Variants in ADAMTS19 observed in about 807,000 individuals in gnomAD.
The protein encoded by ADAMTS19 is A disintegrin and metalloproteinase with thrombospondin motifs 19.
Under a neutral mutation model 153.3 loss-of-function variants are expected in ADAMTS19, and 93 were observed. The ratio of observed to expected loss-of-function variants is 0.61; its 90% CI spans 0.51 to 0.72. The LOEUF is 0.72. ADAMTS19 is among the 30% of genes least tolerant of loss of function. The pLI is 0.00. For missense variants in ADAMTS19, 1,482 were observed against 1,552.1 expected (o/e 0.95, Z 0.76); for synonymous variants, 600 against 556.6 (o/e 1.08, Z -1.10).
At chr5:129,485,093 A>G (rs1435907611) in intron 2 of ADAMTS19, among the ~76,000 whole-genome samples, 8 of 152,188 alleles carry the variant, frequency 5.3e-5, no homozygotes, top group Non-Finnish European at 1.2e-4. Flanking sequence ...AAGATAGATT[A>G]TATACTGGGC....
chr5:129,725,143 A>G (rs556512290), intron 21 of ADAMTS19, among the ~76,000 whole-genome samples: 5 of 152,194 alleles, frequency 3.3e-5, no homozygotes, highest in Admixed American at 2.6e-4. Context: ...AACTGCCTAA[A>G]TAATTTCTTT....
chr5:129,683,304 G>A (rs1372825475), intron 17 of ADAMTS19, among the ~76,000 whole-genome samples: 1 of 151,906 alleles, frequency 6.6e-6, no homozygotes, highest in Admixed American at 6.6e-5. Context: ...CTGGCACTGG[G>A]AACCAGTAGA....
chr5:129,680,776 CAAAA>C (rs551460047), intron 17 of ADAMTS19, among the ~76,000 whole-genome samples: 1 of 135,398 alleles, frequency 7.4e-6, no homozygotes, highest in African/African-American at 2.8e-5. Flanking sequence ...AAAAAAAAAA[CAAAA>C]AAAAAAACTG....
At chr5:129,634,370 A>C (rs1219770207) in intron 10 of ADAMTS19, among the ~76,000 whole-genome samples, 1 of 152,196 alleles carries the variant, frequency 6.6e-6, no homozygotes, top group Non-Finnish European at 1.5e-5. Context: ...AAAGCAATTT[A>C]TAGATTCACT....
In ADAMTS19 at chr5:129,641,911, G is replaced by T. The variant is rs1007394270; in HGVS notation, c.1823G>T (p.Arg608Ile). 1 of 1,606,786 alleles carries T rather than the reference G, an allele frequency of 6.2e-7. No homozygotes were observed. Residue 608 changes from arginine (R) to isoleucine (I), a missense_variant, in exon 11 of 23, where the codon AGA becomes ATA. By Grantham distance (97) the Arg-to-Ile change is moderately conservative. Around this residue, in one of 2 missense-constraint regions of ADAMTS19, gnomAD observed 866 missense variants for 827.7 expected, o/e 1.05. Transcript: ENST00000274487. ...AAGGTAGAAGGTGAGAAAGAATGCA[G>T]AACCAAGCTAGACCCACCAATGGAT... ...WCKVEGEKEC[R>I]TKLDPPMDGT...
intron 2 of ADAMTS19, among the ~76,000 whole-genome samples, chr5:129,490,385 T>A (rs1750725771): frequency 6.6e-6 from 1 of 152,158 alleles, no homozygotes; most frequent in Admixed American, 6.6e-5. Context: ...CAATTTCCTA[T>A]GTGGCTTTTC....
intron 19 of ADAMTS19, among the ~76,000 whole-genome samples, chr5:129,700,197 T>C (rs1023415333): frequency 6.6e-6 from 1 of 152,174 alleles, no homozygotes; most frequent in Non-Finnish European, 1.5e-5. Flanking sequence ...TAGTGGTCCT[T>C]AAGGTAGCTC....
chr5:129,571,696 G>A (rs1392127672), intron 7 of ADAMTS19, among the ~76,000 whole-genome samples: 1 of 151,620 alleles, frequency 6.6e-6, no homozygotes, highest in Non-Finnish European at 1.5e-5. Context: ...GCAACTGAAT[G>A]ATCAACACAA....
intron 11 of ADAMTS19, 54 bp from the exon 12 acceptor site, chr5:129,647,711 A>G: frequency 1.9e-6 from 3 of 1,577,314 alleles, no homozygotes; most frequent in African/African-American, 1.3e-5. Flanking sequence ...AGGCCAGCGA[A>G]TGATTTTCAG....
chr5:129,632,777 T>C (rs1752358196), intron 10 of ADAMTS19, among the ~76,000 whole-genome samples: 1 of 152,104 alleles, frequency 6.6e-6, no homozygotes, highest in Non-Finnish European at 1.5e-5. Flanking sequence ...GTCATTTCCC[T>C]GTAAGTAATC....
At chr5:129,548,120 G>C (rs907905839) in intron 6 of ADAMTS19, among the ~76,000 whole-genome samples, 79 of 150,758 alleles carry the variant, frequency 5.2e-4, no homozygotes, top group Non-Finnish European at 9.7e-4. Context: ...CATGGGCAAA[G>C]ACTTCATGTC....
chr5:129,532,970 G>A (rs995512119), intron 6 of ADAMTS19, among the ~76,000 whole-genome samples: 1 of 152,142 alleles, frequency 6.6e-6, no homozygotes, highest in Non-Finnish European at 1.5e-5. Flanking sequence ...AGGCGTGGTG[G>A]CTTATGCCTG....
intron 6 of ADAMTS19, 139 bp downstream of exon 6, chr5:129,528,816 C>T: frequency 6.6e-6 from 4 of 610,530 alleles, no homozygotes; most frequent in Non-Finnish European, 1.0e-5. Context: ...TGTTAGTCAT[C>T]TCCCTCAAAT....
intron 18 of ADAMTS19, among the ~76,000 whole-genome samples, chr5:129,691,360 T>C (rs1431433354): frequency 6.6e-6 from 1 of 152,168 alleles, no homozygotes; most frequent in African/African-American, 2.4e-5. Flanking sequence ...CAAGTAATAC[T>C]CTGTCAACAG....
chr5:129,555,114 G>A (rs9327529), intron 7 of ADAMTS19, among the ~76,000 whole-genome samples: 129,748 of 151,956 alleles, frequency 0.85, 55,547 homozygotes, highest in Non-Finnish European at 0.89. Context: ...TTTTTTTTCT[G>A]TAATGAAAAT....
chr5:129,666,164 T>G (rs1296286742), intron 16 of ADAMTS19, among the ~76,000 whole-genome samples: 1 of 151,930 alleles, frequency 6.6e-6, no homozygotes, highest in Non-Finnish European at 1.5e-5. Context: ...AAAAGTACTG[T>G]ATCAGTTATT....
chr5:129,476,644 C>T (rs1169268076), intron 2 of ADAMTS19, among the ~76,000 whole-genome samples: 2 of 152,124 alleles, frequency 1.3e-5, no homozygotes, highest in East Asian at 3.9e-4. Flanking sequence ...CCAATATCTC[C>T]TCTCTGGTAA....
intron 7 of ADAMTS19, among the ~76,000 whole-genome samples, chr5:129,566,505 G>T (rs920540327): frequency 2.0e-5 from 3 of 152,128 alleles, no homozygotes; most frequent in African/African-American, 4.8e-5. Context: ...TTGGGAAGAA[G>T]ATATGAATTT....
At chr5:129,468,282 A>T (rs1247702559) in intron 2 of ADAMTS19, among the ~76,000 whole-genome samples, 1 of 152,196 alleles carries the variant, frequency 6.6e-6, no homozygotes, top group African/African-American at 2.4e-5. Context: ...TCTCTTTCCC[A>T]TGTCCTGTTA....
Sources: gnomAD v4.1 joint callset for allele counts (sites outside exome capture counted in the v4.1 genomes callset) on GRCh38, gnomAD v4.1.1 for gene constraint, gnomAD v4.1.1 regional missense constraint, MANE v1.5 for transcripts, NCBI Gene and HGNC (gene_info 2026-07-23, HGNC 2026-07-21) for gene names.